The following NBPF8 variants were observed in gnomAD, a reference collection of about 807,000 sequenced individuals.
NBPF8 encodes NBPF family member NBPF8.
chr1:120,457,755 A>G (rs2101689952), intron 16 of NBPF8, among the ~76,000 whole-genome samples: 1 of 68,008 alleles, frequency 1.5e-5, no homozygotes, highest in South Asian at 3.8e-4. Flanking sequence ...ATATATATAC[A>G]TACACACAAA....
chr1:120,466,313 C>T, exon 25 of NBPF8: 2 of 1,541,352 alleles, frequency 1.3e-6, no homozygotes, highest in Non-Finnish European at 1.8e-6. Flanking sequence ...CATTTGGAAG[C>T]CCAGACATAG....
chr1:120,421,298 G>A (rs1316235808), intron 1 of NBPF8, among the ~76,000 whole-genome samples: 3 of 152,166 alleles, frequency 2.0e-5, no homozygotes, highest in Admixed American at 2.0e-4. Flanking sequence ...GGAAAATACT[G>A]GTGGTGTAAG....
At chr1:120,431,868 G>C (rs1244160535), upstream of NBPF8, among the ~76,000 whole-genome samples, 4 of 146,086 alleles carry the variant, frequency 2.7e-5, no homozygotes, top group African/African-American at 9.9e-5. Context: ...ACGAGACACA[G>C]ATGAACTGGG....
upstream of NBPF8, among the ~76,000 whole-genome samples, chr1:120,435,733 G>C (rs1367569232): frequency 1.2e-4 from 18 of 151,772 alleles, no homozygotes; most frequent in African/African-American, 4.1e-4. Context: ...AGGCGTGGTG[G>C]CGGGCGCCTG....
At chr1:120,418,926 T>C (rs1169697115), upstream of NBPF8, among the ~76,000 whole-genome samples, 1 of 151,822 alleles carries the variant, frequency 6.6e-6, no homozygotes, top group African/African-American at 2.4e-5. Context: ...TTTATGAATA[T>C]AGTATTCATT....
At chr1:120,415,649 C>A (rs1553245066), upstream of NBPF8, among the ~76,000 whole-genome samples, 69 of 152,308 alleles carry the variant, frequency 4.5e-4, no homozygotes, top group Non-Finnish European at 8.2e-4. Context: ...ACCTGAGAGG[C>A]GAGACCACTC....
upstream of NBPF8, among the ~76,000 whole-genome samples, chr1:120,417,841 T>A (rs1660472163): frequency 6.9e-6 from 1 of 145,178 alleles, no homozygotes; most frequent in Admixed American, 7.0e-5. Context: ...GCTCAAGTAA[T>A]CTTCCCACTT....
intron 17 of NBPF8, 63 bp downstream of exon 15, chr1:120,459,593 T>C: frequency 7.2e-7 from 1 of 1,383,914 alleles, no homozygotes. Context: ...CCCCATAATC[T>C]TTGGGCCTTG....
intron 14 of NBPF8, among the ~76,000 whole-genome samples, 189 bp downstream of exon 12, chr1:120,453,633 G>T (rs1295887753): frequency 6.6e-6 from 1 of 151,834 alleles, no homozygotes; most frequent in Non-Finnish European, 1.5e-5. Flanking sequence ...CGAGTGTCAT[G>T]TCTGTACCGT....
upstream of NBPF8, among the ~76,000 whole-genome samples, chr1:120,419,377 C>A (rs1188794832): frequency 6.6e-6 from 1 of 152,196 alleles, no homozygotes; most frequent in East Asian, 1.9e-4. Context: ...ACTACACCCA[C>A]ACACTCTTAA....
At position 120,449,311 on chromosome 1, in the gene NBPF8, GGCAGAGAAGAAACA is replaced by G; in HGVS notation, n.1885_1898del. ...TCAATGAGAAATTGCACCCCCAGCTGGCAGAGAAGAAACAGCAGTTCAGAAACCTCAAAGAGAAA... is the reference window on the plus strand; with the variant it reads ...TCAATGAGAAATTGCACCCCCAGCTGGCAGTTCAGAAACCTCAAAGAGAAA... On this transcript the variant is annotated non_coding_transcript_exon_variant, in exon 11 of 25. Coordinates refer to ENST00000583271, the Ensembl canonical transcript of NBPF8. 6 of 1,611,222 alleles carry G rather than the reference GGCAGAGAAGAAACA, an allele frequency of 3.7e-6. No individual in the cohort carries two copies. The South Asian group carries it at 6.6e-5, about 18-fold the overall frequency.
At chr1:120,450,421 G>C (rs1407932781) in intron 11 of NBPF8, among the ~76,000 whole-genome samples, 1 of 151,878 alleles carries the variant, frequency 6.6e-6, no homozygotes, top group African/African-American at 2.4e-5. Context: ...ATCCATCCAA[G>C]TTGCTTGTCT....
intron 15 of NBPF8, among the ~76,000 whole-genome samples, chr1:120,454,572 G>T (rs1661380074): frequency 6.6e-6 from 1 of 152,064 alleles, no homozygotes; most frequent in Non-Finnish European, 1.5e-5. Context: ...TAGCTGCACA[G>T]TCACCCTGAA....
upstream of NBPF8, among the ~76,000 whole-genome samples, chr1:120,431,359 A>AAT (rs869036983): frequency 0.027 from 1,119 of 41,770 alleles, 18 homozygotes; most frequent in Non-Finnish European, 0.033. Context: ...CCAAATAGGG[A>AAT]ATATATATAT....
intron 3 of NBPF8, among the ~76,000 whole-genome samples, chr1:120,428,085 T>A (rs1234833443): frequency 6.6e-6 from 1 of 152,262 alleles, no homozygotes; most frequent in Non-Finnish European, 1.5e-5. Flanking sequence ...CTTAAGGTTT[T>A]ATTGCAAAAT....
chr1:120,415,801 C>T (rs1379645715), upstream of NBPF8, among the ~76,000 whole-genome samples: 4 of 152,134 alleles, frequency 2.6e-5, no homozygotes, highest in African/African-American at 9.7e-5. Context: ...GGGCAGGCCT[C>T]TAATTCACCG....
At chr1:120,429,033 C>A (rs1660796681) in intron 3 of NBPF8, among the ~76,000 whole-genome samples, 1 of 151,410 alleles carries the variant, frequency 6.6e-6, no homozygotes, top group East Asian at 1.9e-4. Flanking sequence ...CAGATCCACT[C>A]TCCACTCATT....
chr1:120,450,391 C>T (rs1345882791), intron 11 of NBPF8, among the ~76,000 whole-genome samples: 4 of 151,796 alleles, frequency 2.6e-5, no homozygotes, highest in African/African-American at 9.7e-5. Context: ...AGAGCAGGGA[C>T]CGTGGGCCTG....
At chr1:120,464,830 A>C (rs1160910746) in intron 23 of NBPF8, among the ~76,000 whole-genome samples, 13 of 139,710 alleles carry the variant, frequency 9.3e-5, no homozygotes, top group Non-Finnish European at 1.6e-4. Context: ...TCAGAGAACT[A>C]TGATTTTGAC....
Sources: allele counts gnomAD v4.1 joint callset (sites outside exome capture counted in the v4.1 genomes callset), GRCh38; gene constraint gnomAD v4.1.1; transcripts MANE v1.5; gene names NCBI Gene and HGNC (gene_info 2026-07-23, HGNC 2026-07-21).